Variants in SLC44A5 observed in about 807,000 individuals in gnomAD.
SLC44A5 encodes the protein choline transporter-like protein 5.
A neutral mutation model predicts 101.8 loss-of-function variants in SLC44A5; 57 were observed. That is an observed-to-expected ratio of 0.56 (90% CI 0.45 to 0.70). SLC44A5 has a LOEUF of 0.70. Ranked by LOEUF, SLC44A5 falls within the 30% of genes least tolerant of loss-of-function variation. The pLI is 0.00. For missense variants in SLC44A5, 737 were observed against 853.1 expected, an observed-to-expected ratio of 0.86 and a Z score of 1.70; for synonymous variants, 281 against 290.9, an observed-to-expected ratio of 0.97 and a Z score of 0.35.
At chr1:75,274,544 G>T (rs1478856371) in intron 6 of SLC44A5, among the ~76,000 whole-genome samples, 1 of 152,074 alleles carries the variant, frequency 6.6e-6, no homozygotes, top group Non-Finnish European at 1.5e-5. Context: ...CCCTTACTTC[G>T]AAAGGTGGAA....
At chr1:75,553,314 C>T (rs992501782) in intron 1 of SLC44A5, among the ~76,000 whole-genome samples, 1 of 152,244 alleles carries the variant, frequency 6.6e-6, no homozygotes, top group Admixed American at 6.5e-5. Flanking sequence ...ATGAAGTTCA[C>T]ATATTACTAA....
chr1:75,413,594 G>C (rs1252850187), intron 2 of SLC44A5, among the ~76,000 whole-genome samples: 1 of 152,060 alleles, frequency 6.6e-6, no homozygotes, highest in East Asian at 1.9e-4. Context: ...ACAATGTGAG[G>C]TGCTCAATAA....
At chr1:75,551,453 T>C (rs939364160) in intron 1 of SLC44A5, among the ~76,000 whole-genome samples, 6 of 152,146 alleles carry the variant, frequency 3.9e-5, no homozygotes, top group African/African-American at 1.4e-4. Flanking sequence ...TTAATTTTAT[T>C]TCCCCAAGCT....
intron 1 of SLC44A5, among the ~76,000 whole-genome samples, chr1:75,586,459 T>TTA (rs137985325): frequency 0.011 from 1,423 of 133,616 alleles, 23 homozygotes; most frequent in African/African-American, 0.033. Flanking sequence ...ATTTAAGAAA[T>TTA]TATATATATA....
chr1:75,649,506 T>C, the SLC44A5 span, among the ~76,000 whole-genome samples: 1 of 152,164 alleles, frequency 6.6e-6, no homozygotes, highest in East Asian at 1.9e-4. Context: ...ATGGGGATCC[T>C]TGGGAAAAAT....
At chr1:75,661,852 GATGGT>G in the SLC44A5 span, among the ~76,000 whole-genome samples, 4 of 152,032 alleles carry the variant, frequency 2.6e-5, no homozygotes, top group African/African-American at 9.7e-5. Context: ...AATAACAGAT[GATGGT>G]AAGGTTACAG....
intron 1 of SLC44A5, among the ~76,000 whole-genome samples, chr1:75,547,815 T>C (rs1330275106): frequency 6.6e-6 from 1 of 152,156 alleles, no homozygotes; most frequent in Non-Finnish European, 1.5e-5. Context: ...TCATTAGACA[T>C]CCACCTTACA....
intron 7 of SLC44A5, among the ~76,000 whole-genome samples, chr1:75,248,484 G>C (rs545618679): frequency 2.0e-5 from 3 of 152,204 alleles, no homozygotes; most frequent in Middle Eastern, 6.8e-3. Flanking sequence ...TGACATAGAC[G>C]AAGATAGGCA....
At chr1:75,552,889 C>A (rs1288671464) in intron 1 of SLC44A5, among the ~76,000 whole-genome samples, 1 of 14,350 alleles carries the variant, frequency 7.0e-5, no homozygotes, top group Non-Finnish European at 1.5e-4. Flanking sequence ...TAAATGATAA[C>A]TTTTCCATGC....
intron 2 of SLC44A5, among the ~76,000 whole-genome samples, chr1:75,504,122 T>A (rs1241172487): frequency 6.6e-6 from 1 of 152,174 alleles, no homozygotes; most frequent in African/African-American, 2.4e-5. Flanking sequence ...GCAAAGTAAC[T>A]CGATACATGC....
chr1:75,314,678 T>A (rs945770051), intron 4 of SLC44A5, among the ~76,000 whole-genome samples: 4 of 152,178 alleles, frequency 2.6e-5, no homozygotes, highest in African/African-American at 9.7e-5. Context: ...CTAGGCTCTA[T>A]TCTCAGGAGA....
intron 1 of SLC44A5, among the ~76,000 whole-genome samples, chr1:75,561,993 T>C (rs1379578947): frequency 1.3e-5 from 2 of 152,022 alleles, no homozygotes; most frequent in African/African-American, 4.8e-5. Flanking sequence ...AAGATAACTA[T>C]TGGGTTCTGG....
At chr1:75,491,207 A>G (rs1298516729) in intron 2 of SLC44A5, among the ~76,000 whole-genome samples, 2 of 152,150 alleles carry the variant, frequency 1.3e-5, no homozygotes, top group African/African-American at 4.8e-5. Flanking sequence ...TGAAAAAGAC[A>G]CATGGAAAAG....
At chr1:75,383,516 A>G (rs1278048524) in intron 3 of SLC44A5, among the ~76,000 whole-genome samples, 2 of 152,206 alleles carry the variant, frequency 1.3e-5, no homozygotes, top group Non-Finnish European at 2.9e-5. Context: ...AAAAAGAATA[A>G]AAAGAAATGA....
intron 5 of SLC44A5, among the ~76,000 whole-genome samples, chr1:75,290,955 A>G (rs549452417): frequency 3.3e-5 from 5 of 152,332 alleles, no homozygotes; most frequent in Admixed American, 3.3e-4. Context: ...AGGTCTATGA[A>G]TTGGAAGGAG....
At chr1:75,459,402 AG>A (rs1666371432) in intron 2 of SLC44A5, among the ~76,000 whole-genome samples, 1 of 152,218 alleles carries the variant, frequency 6.6e-6, no homozygotes, top group African/African-American at 2.4e-5. Context: ...ATAGCTATGT[AG>A]CCACCAACAT....
chr1:75,604,105 G>A (rs1675177645), intron 1 of SLC44A5, among the ~76,000 whole-genome samples: 1 of 151,930 alleles, frequency 6.6e-6, no homozygotes, highest in Non-Finnish European at 1.5e-5. Context: ...TGTCCAGAAT[G>A]GTGTTTCCTA....
At chr1:75,335,057 C>G (rs1284931369) in intron 4 of SLC44A5, among the ~76,000 whole-genome samples, 1 of 152,202 alleles carries the variant, frequency 6.6e-6, no homozygotes, top group African/African-American at 2.4e-5. Flanking sequence ...GTACTAATTT[C>G]TCCAATGAGT....
intron 4 of SLC44A5, among the ~76,000 whole-genome samples, chr1:75,328,320 C>T (rs997281854): frequency 1.3e-5 from 2 of 152,180 alleles, no homozygotes; most frequent in Non-Finnish European, 2.9e-5. Flanking sequence ...ATATATTCTT[C>T]TGACACAGGT....
Sources: allele counts gnomAD v4.1 joint callset (sites outside exome capture counted in the v4.1 genomes callset), GRCh38; gene constraint gnomAD v4.1.1; transcripts MANE v1.5; gene names NCBI Gene and HGNC (gene_info 2026-07-23, HGNC 2026-07-21).